The following RIMS2 variants were observed in gnomAD, a reference collection of about 807,000 sequenced individuals.
RIMS2 encodes regulating synaptic membrane exocytosis 2, also known as regulating synaptic membrane exocytosis protein 2.
Under a neutral mutation model 174.4 loss-of-function variants are expected in RIMS2, and 59 were observed. The ratio of observed to expected loss-of-function variants is 0.34; its 90% confidence interval spans 0.27 to 0.42. The LOEUF (loss-of-function observed/expected upper bound fraction) is 0.42. Ranked by LOEUF, RIMS2 falls within the 10% of genes least tolerant of loss-of-function variation. RIMS2 has a pLI of 1.00. For missense variants in RIMS2, 1,620 were observed against 1,666.3 expected, an observed-to-expected ratio of 0.97 and a Z score of 0.48; for synonymous variants, 606 against 572.5, an observed-to-expected ratio of 1.06 and a Z score of -0.84.
At position 103,594,191 on chromosome 8, in the gene RIMS2, T is replaced by C. The variant is rs183512051; in HGVS notation, c.176+93129T>C. On this transcript the variant is annotated intron_variant, in intron 1 of 23. Coordinates refer to ENST00000504942, the Ensembl canonical transcript of RIMS2. The stretch of plus-strand genomic sequence containing the variant: ...AGGTTCAACAAAGAGGCACTGCCTT[T>C]TTGTTTCAACTGTGATAACTTAACA... 4.0e-5 allele frequency among the ~76,000 whole-genome samples: 6 copies of C among 151,768 alleles called. No individual in the cohort carries two copies. In the East Asian group the frequency reaches 1.2e-3, roughly 29 times the overall value.
At chr8:104,022,228 T>C (rs1470589035) in intron 19 of RIMS2, among the ~76,000 whole-genome samples, 2 of 152,112 alleles carry the variant, frequency 1.3e-5, no homozygotes, top group Non-Finnish European at 2.9e-5. Context: ...TGGCCTTTGA[T>C]TGGTTTTACA....
At chr8:104,174,236 T>A (rs1489762557) in intron 19 of RIMS2, among the ~76,000 whole-genome samples, 3 of 152,132 alleles carry the variant, frequency 2.0e-5, no homozygotes, top group African/African-American at 7.2e-5. Flanking sequence ...CGTGAGCCGC[T>A]GCACCCGGCC....
chr8:103,697,269 A>C (rs2097114523), exon 2 of RIMS2: 2 of 1,613,438 alleles, frequency 1.2e-6, no homozygotes, highest in Non-Finnish European at 1.7e-6. Context: ...CTCGTTGTGG[A>C]GGTCGAGTGT....
At chr8:103,910,645 C>A in intron 5 of RIMS2, 116 bp downstream of exon 8, 1 of 596,382 alleles carries the variant, frequency 1.7e-6, no homozygotes, top group Non-Finnish European at 2.9e-6. Context: ...GTCACTGTAG[C>A]ATTTCTTAAG....
At chr8:104,059,132 G>A (rs1420701279) in intron 19 of RIMS2, among the ~76,000 whole-genome samples, 2 of 151,252 alleles carry the variant, frequency 1.3e-5, no homozygotes, top group Non-Finnish European at 2.9e-5. Context: ...TGATGGGGAT[G>A]GCATTGAATC....
chr8:103,641,506 C>A (rs1205426556), intron 1 of RIMS2, among the ~76,000 whole-genome samples: 1 of 152,050 alleles, frequency 6.6e-6, no homozygotes, highest in Admixed American at 6.6e-5. Context: ...TATCAACCAA[C>A]CTCTCTTAAT....
intron 4 of RIMS2, among the ~76,000 whole-genome samples, chr8:103,893,452 C>T (rs1160223029): frequency 6.6e-6 from 1 of 152,040 alleles, no homozygotes; most frequent in Non-Finnish European, 1.5e-5. Flanking sequence ...ATACAATGTA[C>T]TTTTACTGCA....
At chr8:103,761,886 C>T (rs535764308) in intron 2 of RIMS2, among the ~76,000 whole-genome samples, 3 of 152,182 alleles carry the variant, frequency 2.0e-5, no homozygotes, top group South Asian at 2.1e-4. Flanking sequence ...CCTATGGTCT[C>T]GTTAGTGTAA....
chr8:104,052,623 G>GT (rs1362626393), intron 19 of RIMS2, among the ~76,000 whole-genome samples: 1 of 152,180 alleles, frequency 6.6e-6, no homozygotes, highest in East Asian at 1.9e-4. Context: ...TCTAGGTATT[G>GT]TAGATATTCA....
At chr8:104,013,397 A>G in intron 17 of RIMS2, 45 bp from the exon 20 acceptor site, 5 of 1,500,634 alleles carry the variant, frequency 3.3e-6, no homozygotes, top group Non-Finnish European at 4.6e-6. Context: ...AAATAGCAGA[A>G]GGGCACTAAA....
intron 15 of RIMS2, among the ~76,000 whole-genome samples, chr8:103,966,094 T>C (rs904868505): frequency 1.3e-5 from 2 of 152,196 alleles, no homozygotes; most frequent in African/African-American, 4.8e-5. Flanking sequence ...TGTATTCTTT[T>C]CTTTTAATGT....
At chr8:104,219,749 T>A (rs1304338378) in intron 19 of RIMS2, among the ~76,000 whole-genome samples, 1 of 152,186 alleles carries the variant, frequency 6.6e-6, no homozygotes, top group African/African-American at 2.4e-5. Flanking sequence ...AAATACTGGA[T>A]GATAATGATT....
chr8:103,966,064 G>C (rs2091744832), intron 15 of RIMS2, among the ~76,000 whole-genome samples: 1 of 151,990 alleles, frequency 6.6e-6, no homozygotes, highest in African/African-American at 2.4e-5. Flanking sequence ...GATAATTTTT[G>C]CAGTAATGTT....
At chr8:103,921,330 A>C (rs1006264275) in intron 9 of RIMS2, among the ~76,000 whole-genome samples, 9 of 152,000 alleles carry the variant, frequency 5.9e-5, no homozygotes, top group Non-Finnish European at 1.5e-5. Flanking sequence ...TGTTTTGATT[A>C]CTCCTTGTTT....
intron 3 of RIMS2, among the ~76,000 whole-genome samples, chr8:103,871,174 C>T (rs530706971): frequency 2.4e-3 from 359 of 152,198 alleles, no homozygotes; most frequent in African/African-American, 8.4e-3. Flanking sequence ...TTTGGGAGGC[C>T]GAGGTGGATG....
At chr8:103,706,334 G>A (rs1029734124) in intron 2 of RIMS2, among the ~76,000 whole-genome samples, 1 of 151,996 alleles carries the variant, frequency 6.6e-6, no homozygotes, top group African/African-American at 2.4e-5. Context: ...GACACTACAT[G>A]CCACAATTAC....
At chr8:103,517,412 T>C (rs1337239798) in intron 1 of RIMS2, among the ~76,000 whole-genome samples, 1 of 152,018 alleles carries the variant, frequency 6.6e-6, no homozygotes, top group Non-Finnish European at 1.5e-5. Flanking sequence ...AAAGAAGGGA[T>C]GGAGTGGTGG....
At chr8:104,148,657 A>G (rs1219820944) in intron 19 of RIMS2, 4 of 1,598,326 alleles carry the variant, frequency 2.5e-6, no homozygotes, top group Non-Finnish European at 2.5e-6. Context: ...TCAGGGAAGA[A>G]CATGACAAAA....
intron 19 of RIMS2, among the ~76,000 whole-genome samples, chr8:104,056,810 G>A (rs533324680): frequency 3.6e-4 from 55 of 152,230 alleles, no homozygotes; most frequent in Non-Finnish European, 6.2e-4. Flanking sequence ...ACTTAAGCCT[G>A]AGAGGTAAAA....
Sources: allele counts gnomAD v4.1 joint callset (sites outside exome capture counted in the v4.1 genomes callset), GRCh38; gene constraint gnomAD v4.1.1; transcripts MANE v1.5; gene names NCBI Gene and HGNC (gene_info 2026-07-23, HGNC 2026-07-21).